The following GNA12 variants were observed in gnomAD, a reference collection of about 807,000 sequenced individuals.
GNA12 encodes guanine nucleotide-binding protein subunit alpha-12.
A neutral mutation model predicts 26.0 loss-of-function variants in GNA12; 9 were observed. The ratio of observed to expected loss-of-function variants is 0.35; its 90% CI spans 0.21 to 0.60. GNA12 has a LOEUF of 0.60. Ranked by LOEUF, GNA12 falls within the 20% of genes least tolerant of loss-of-function variation. GNA12 has a pLI of 0.78. For missense variants in GNA12, 405 were observed against 525.8 expected, an observed-to-expected ratio of 0.77 and a Z score of 2.25; for synonymous variants, 264 against 219.6, an observed-to-expected ratio of 1.20 and a Z score of -1.79.
intron 1 of GNA12, among the ~76,000 whole-genome samples, chr7:2,838,351 G>A (rs1315481700): frequency 6.6e-6 from 1 of 151,340 alleles, no homozygotes; most frequent in Non-Finnish European, 1.5e-5. Context: ...TGAGGCAGGA[G>A]GATGGCTTTG....
At chr7:2,840,268 T>C (rs1778952864) in intron 1 of GNA12, among the ~76,000 whole-genome samples, 1 of 152,202 alleles carries the variant, frequency 6.6e-6, no homozygotes, top group Non-Finnish European at 1.5e-5. Context: ...AGTTTAATTT[T>C]TAAAAAAGGC....
chr7:2,812,862 CT>C (rs1313012867), intron 1 of GNA12, among the ~76,000 whole-genome samples: 2 of 152,140 alleles, frequency 1.3e-5, no homozygotes, highest in Non-Finnish European at 2.9e-5. Flanking sequence ...TATTTGGCCC[CT>C]TTTTTGTTAG....
chr7:2,793,494 G>A (rs1458374673), intron 2 of GNA12, among the ~76,000 whole-genome samples: 1 of 152,128 alleles, frequency 6.6e-6, no homozygotes, highest in African/African-American at 2.4e-5. Flanking sequence ...AAGAATATAA[G>A]GAAATTGAAC....
At chr7:2,771,441 T>A (rs1791947243) in intron 2 of GNA12, among the ~76,000 whole-genome samples, 2 of 152,172 alleles carry the variant, frequency 1.3e-5, no homozygotes, top group Non-Finnish European at 2.9e-5. Flanking sequence ...TGTGGCCTTA[T>A]CAGCCCTTCC....
chr7:2,748,189 C>T (rs1583230544), intron 2 of GNA12, among the ~76,000 whole-genome samples: 1 of 150,938 alleles, frequency 6.6e-6, no homozygotes, highest in Admixed American at 6.6e-5. Flanking sequence ...CAAAAAAGAG[C>T]CTGCATCGCC....
At chr7:2,814,849 A>C (rs929721172) in intron 1 of GNA12, 2 of 1,595,086 alleles carry the variant, frequency 1.3e-6, no homozygotes. Context: ...CCGGGTGTGC[A>C]CTGCTCCCCT....
chr7:2,840,682 G>A (rs948225943), intron 1 of GNA12, among the ~76,000 whole-genome samples: 1 of 152,028 alleles, frequency 6.6e-6, no homozygotes, highest in South Asian at 2.1e-4. Flanking sequence ...AACATAGTGA[G>A]ACCCCATCTC....
At chr7:2,732,196 C>G (rs1172813100) in intron 3 of GNA12, among the ~76,000 whole-genome samples, 2 of 152,136 alleles carry the variant, frequency 1.3e-5, no homozygotes, top group South Asian at 4.1e-4. Context: ...TTAGACAATT[C>G]TTTAAGTCTT....
intron 2 of GNA12, among the ~76,000 whole-genome samples, chr7:2,790,550 C>G (rs777625377): frequency 6.6e-6 from 1 of 152,236 alleles, no homozygotes; most frequent in Non-Finnish European, 1.5e-5. Flanking sequence ...AAAGAATACC[C>G]TTCCGTGGCA....
At chr7:2,772,090 T>C (rs1166160582) in intron 2 of GNA12, among the ~76,000 whole-genome samples, 1 of 152,254 alleles carries the variant, frequency 6.6e-6, no homozygotes, top group Non-Finnish European at 1.5e-5. Context: ...TTCAAATCTT[T>C]TGTCCTTTTA....
At chr7:2,795,674 A>T (rs1792648654) in intron 1 of GNA12, among the ~76,000 whole-genome samples, 1 of 151,830 alleles carries the variant, frequency 6.6e-6, no homozygotes, top group Admixed American at 6.5e-5. Flanking sequence ...AAACAGATGT[A>T]CATAAGCACC....
At chr7:2,803,409 G>A (rs559092544) in intron 1 of GNA12, among the ~76,000 whole-genome samples, 88 of 152,234 alleles carry the variant, frequency 5.8e-4, no homozygotes, top group Non-Finnish European at 9.7e-4. Flanking sequence ...ACAGGAGGCA[G>A]GGAAGGAGCA....
intron 1 of GNA12, among the ~76,000 whole-genome samples, chr7:2,813,033 T>G (rs1793125212): frequency 6.6e-6 from 1 of 152,150 alleles, no homozygotes; most frequent in African/African-American, 2.4e-5. Context: ...AGCCTCAAAC[T>G]CCCAGGCTCA....
At chr7:2,836,711 G>A (rs1459702436) in intron 1 of GNA12, among the ~76,000 whole-genome samples, 2 of 151,264 alleles carry the variant, frequency 1.3e-5, no homozygotes, top group Admixed American at 6.6e-5. Flanking sequence ...ATCACCTGAG[G>A]TCAGGAGTTC....
intron 2 of GNA12, among the ~76,000 whole-genome samples, chr7:2,739,671 A>G (rs949821039): frequency 7.2e-5 from 11 of 151,914 alleles, no homozygotes; most frequent in African/African-American, 2.7e-4. Flanking sequence ...GTAGCATCCT[A>G]TGGTAGTTCT....
chr7:2,749,584 C>G (rs549989532), intron 2 of GNA12, among the ~76,000 whole-genome samples: 3 of 151,934 alleles, frequency 2.0e-5, no homozygotes, highest in African/African-American at 7.2e-5. Flanking sequence ...ATGGGTGCAG[C>G]ACACCAACAT....
chr7:2,815,333 GGCAGGAGGA>G (rs1246086997), intron 1 of GNA12: 10 of 196,712 alleles, frequency 5.1e-5, no homozygotes, highest in Non-Finnish European at 9.4e-5. Flanking sequence ...GCGCAGCAGG[GGCAGGAGGA>G]GCTTTCCTGG....
chr7:2,842,050 AG>A (rs1193018471), intron 1 of GNA12, among the ~76,000 whole-genome samples: 1 of 150,796 alleles, frequency 6.6e-6, no homozygotes, highest in African/African-American at 2.4e-5. Flanking sequence ...GAAAAAAGGA[AG>A]GAAGGTAGAA....
chr7:2,818,208 G>A (rs1793259435), intron 1 of GNA12, among the ~76,000 whole-genome samples: 1 of 152,178 alleles, frequency 6.6e-6, no homozygotes, highest in South Asian at 2.1e-4. Flanking sequence ...CTGGCCATCT[G>A]ACATAGAACA....
Sources: allele counts gnomAD v4.1 joint callset (sites outside exome capture counted in the v4.1 genomes callset), GRCh38; gene constraint gnomAD v4.1.1; transcripts MANE v1.5; gene names NCBI Gene and HGNC (gene_info 2026-07-23, HGNC 2026-07-21).